The following SLC26A7 variants were observed in gnomAD, a reference collection of about 807,000 sequenced individuals.
The protein encoded by SLC26A7 is solute carrier family 26 member 7, also known as anion exchange transporter.
A neutral mutation model predicts 82.5 loss-of-function variants in SLC26A7; 59 were observed. The ratio of observed to expected loss-of-function variants is 0.72; its 90% CI spans 0.58 to 0.89. The LOEUF (loss-of-function observed/expected upper bound fraction) is 0.89. SLC26A7 is among the 40% of genes least tolerant of loss of function. The pLI, the probability that SLC26A7 is intolerant of heterozygous loss-of-function variation, is 0.00. For missense variants in SLC26A7, 820 were observed against 793.0 expected, an observed-to-expected ratio of 1.03 and a Z score of -0.41; for synonymous variants, 271 against 274.3, an observed-to-expected ratio of 0.99 and a Z score of 0.12.
chr8:91,238,489 T>C (rs1034275320), intron 2 of SLC26A7, among the ~76,000 whole-genome samples: 1 of 151,026 alleles, frequency 6.6e-6, no homozygotes. Flanking sequence ...CACTTTTTTG[T>C]GCATTATCTA....
In SLC26A7 at chr8:91,395,350, G is replaced by A; in HGVS notation, c.*253G>A. 1.4e-6 allele frequency: 1 copy of A among 732,058 alleles called. No individual in the cohort carries two copies. Among genetic ancestry groups the A allele is most frequent in the East Asian group, 3.8e-5 (1 of 26,546 alleles). 45.3% of individuals were successfully genotyped at this position (732,058 alleles called of 1,614,324 possible). A position where few individuals can be genotyped will look rare whatever the true frequency, so the allele number is the denominator to read the frequency against. Reference sequence around the variant, plus strand: ...GTGTTTAGTTTTAGTGTACTGAAGGGTAAACATGGTTTTATTTTATTTTAC... The same window carrying A: ...GTGTTTAGTTTTAGTGTACTGAAGGATAAACATGGTTTTATTTTATTTTAC... On this transcript the variant is annotated 3_prime_UTR_variant, in exon 19 of 19. Coordinates refer to ENST00000276609, the MANE Select transcript of SLC26A7 (RefSeq NM_052832.4).
chr8:91,289,623 T>G (rs1811808764), intron 3 of SLC26A7, among the ~76,000 whole-genome samples: 1 of 149,658 alleles, frequency 6.7e-6, no homozygotes, highest in Non-Finnish European at 1.5e-5. Context: ...GCAGCCTGAG[T>G]GACAGAGCGA....
intron 18 of SLC26A7, chr8:91,394,535 T>C: frequency 7.7e-7 from 1 of 1,293,698 alleles, no homozygotes; most frequent in African/African-American, 1.5e-5. Flanking sequence ...GGTTTAGTTT[T>C]ACAACTGTTC....
At chr8:91,351,755 TA>T (rs746410889) in intron 9 of SLC26A7, 54 bp from the exon 10 acceptor site, 13 of 1,205,892 alleles carry the variant, frequency 1.1e-5, no homozygotes, top group Non-Finnish European at 1.6e-5. Flanking sequence ...AACTTTGACA[TA>T]ATAAAAAAGT....
At chr8:91,333,660 T>G (rs1813158425) in intron 5 of SLC26A7, among the ~76,000 whole-genome samples, 1 of 152,176 alleles carries the variant, frequency 6.6e-6, no homozygotes, top group Admixed American at 6.5e-5. Context: ...CATTAATGTA[T>G]TGTTTTACTT....
chr8:91,343,715 T>C (rs780192844), intron 9 of SLC26A7, among the ~76,000 whole-genome samples: 4 of 152,228 alleles, frequency 2.6e-5, no homozygotes, highest in Admixed American at 6.5e-5. Context: ...TTAGCAACCT[T>C]AGAGGCCAAA....
chr8:91,278,739 AC>A (rs1811474168), intron 2 of SLC26A7, among the ~76,000 whole-genome samples: 1 of 152,050 alleles, frequency 6.6e-6, no homozygotes, highest in African/African-American at 2.4e-5. Context: ...ATTACCTCAC[AC>A]TTTTTTTGTT....
intron 2 of SLC26A7, among the ~76,000 whole-genome samples, chr8:91,271,994 G>C (rs1811285318): frequency 6.6e-6 from 1 of 152,182 alleles, no homozygotes. Context: ...CATGGGGAAA[G>C]AGTGTCAGGA....
chr8:91,367,262 C>T (rs954178702), intron 14 of SLC26A7, among the ~76,000 whole-genome samples: 2 of 152,124 alleles, frequency 1.3e-5, no homozygotes, highest in Non-Finnish European at 2.9e-5. Flanking sequence ...CCCGCCTCGG[C>T]CTTCCAAAGT....
chr8:91,255,700 C>A (rs964877369), intron 2 of SLC26A7, among the ~76,000 whole-genome samples: 2 of 152,040 alleles, frequency 1.3e-5, no homozygotes, highest in African/African-American at 2.4e-5. Context: ...AAGCTTCATT[C>A]GGTACTTTTG....
intron 15 of SLC26A7, among the ~76,000 whole-genome samples, chr8:91,377,840 T>C (rs917888671): frequency 6.6e-6 from 1 of 152,184 alleles, no homozygotes; most frequent in Non-Finnish European, 1.5e-5. Context: ...GCAACCCTGC[T>C]TCCTCCATTA....
intron 4 of SLC26A7, among the ~76,000 whole-genome samples, chr8:91,312,466 C>A (rs2130800553): frequency 6.6e-6 from 1 of 152,044 alleles, no homozygotes; most frequent in South Asian, 2.1e-4. Context: ...GCATGTATAC[C>A]CCAAAATGGA....
intron 11 of SLC26A7, among the ~76,000 whole-genome samples, chr8:91,358,759 T>G (rs1282890961): frequency 1.3e-5 from 2 of 152,232 alleles, no homozygotes; most frequent in South Asian, 2.1e-4. Flanking sequence ...CCATAAACAA[T>G]GATGAGTTCA....
chr8:91,315,233 T>C (rs991589506), intron 4 of SLC26A7, among the ~76,000 whole-genome samples: 1 of 152,216 alleles, frequency 6.6e-6, no homozygotes, highest in Non-Finnish European at 1.5e-5. Flanking sequence ...TTCAAAGATT[T>C]GGATTACTTG....
chr8:91,373,102 A>T (rs1814412809), intron 15 of SLC26A7, among the ~76,000 whole-genome samples: 1 of 151,820 alleles, frequency 6.6e-6, no homozygotes, highest in Non-Finnish European at 1.5e-5. Context: ...TGAGTCATTC[A>T]TTAGTTCCAG....
intron 4 of SLC26A7, among the ~76,000 whole-genome samples, chr8:91,296,077 A>G (rs953131182): frequency 6.6e-6 from 1 of 152,128 alleles, no homozygotes; most frequent in African/African-American, 2.4e-5. Context: ...TAGGAAGGAG[A>G]TGTGACCAGA....
At chr8:91,255,996 T>A (rs1323517345) in intron 2 of SLC26A7, among the ~76,000 whole-genome samples, 3 of 152,144 alleles carry the variant, frequency 2.0e-5, no homozygotes, top group Non-Finnish European at 4.4e-5. Context: ...TTTGGGTGAA[T>A]AACCCCTGTT....
rs981904895 is a variant in SLC26A7 at position 91,353,089 on chromosome 8, T to C, written c.1314+93T>C. On this transcript the variant is annotated intron_variant, in intron 11 of 18. Coordinates refer to ENST00000276609, the MANE Select transcript of SLC26A7 (RefSeq NM_052832.4). ...TACTTTTATTTGCAGAAAATAGATATTGTCATTTGAGACTTGTACACTTTA... is the reference window on the plus strand; with the variant it reads ...TACTTTTATTTGCAGAAAATAGATACTGTCATTTGAGACTTGTACACTTTA... 9 of 834,052 alleles carry C rather than the reference T, an allele frequency of 1.1e-5. No homozygotes were observed. In the African/African-American group the frequency reaches 1.6e-4, roughly 15 times the overall value. 51.7% of individuals were successfully genotyped at this position (834,052 alleles called of 1,614,324 possible).
chr8:91,221,887 G>A (rs1426913790), intron 2 of SLC26A7, among the ~76,000 whole-genome samples: 2 of 151,556 alleles, frequency 1.3e-5, no homozygotes, highest in Non-Finnish European at 2.9e-5. Flanking sequence ...ATTTAAAATA[G>A]TTTTTTTTTA....
Sources: allele counts gnomAD v4.1 joint callset (sites outside exome capture counted in the v4.1 genomes callset), GRCh38; gene constraint gnomAD v4.1.1; transcripts MANE v1.5; gene names NCBI Gene and HGNC (gene_info 2026-07-23, HGNC 2026-07-21).